SLIT1: variants seen among roughly 807,000 people sequenced by gnomAD.
SLIT1 encodes the protein slit homolog 1 protein.
Under a neutral mutation model 186.1 loss-of-function variants are expected in SLIT1, and 66 were observed. The observed-to-expected ratio is 0.35, with a 90% CI of 0.29 to 0.44. SLIT1 has a LOEUF of 0.44. Among genes scored for constraint, SLIT1 ranks in the 20% least tolerant of loss-of-function variants. SLIT1 has a pLI of 1.00. For missense variants in SLIT1, 1,638 were observed against 2,037.4 expected (o/e 0.80, Z 3.77); for synonymous variants, 761 against 833.8 (o/e 0.91, Z 1.50).
chr10:97,089,245 AAGAC>A (rs1008095190), intron 4 of SLIT1, among the ~76,000 whole-genome samples: 20 of 152,246 alleles, frequency 1.3e-4, no homozygotes, highest in Admixed American at 3.9e-4. Context: ...GAAGAAAAAA[AAGAC>A]AGAGTCAGAC....
At position 97,002,351 on chromosome 10, in the gene SLIT1, G is replaced by A. The variant is rs146064836; in HGVS notation, c.4173C>T (p.Cys1391=). Residue 1391 remains cysteine (C), a synonymous_variant, in exon 36 of 37, where the codon TGC becomes TGT. Transcript: ENST00000266058. ...CHGHKCVHGQ[C]VPLDALSYSC... is the part of the protein sequence containing the mutation. ...TGTAGGAAAGAGCGTCGAGGGGCAC[G>A]CATTGCCCATGGACACACCTGGAGG... 2,124 of 1,606,872 alleles carry A rather than the reference G, an allele frequency of 1.3e-3. 4 individuals are homozygous for A. The highest frequency in any genetic ancestry group is 1.7e-3 in the Middle Eastern group (10 of 5,994).
chr10:97,018,592 G>C lies in SLIT1; in HGVS notation c.2963C>G (p.Pro988Arg), dbSNP rs776270572. The stretch of plus-strand genomic sequence containing the variant: ...GCCCCTCCAGGTAACTCACGTGAAC[G>C]GGGCATCCTCGCCCTCCTGTGCATG... The part of the protein sequence containing the change: ...TCHAQEGEDA[P>R]FTCSCPTGFE... The change falls in exon 28 of 37, where the codon CCG (proline) becomes CGG (arginine). Residue 988 changes from proline (P) to arginine (R), a missense_variant. Transcript: ENST00000266058. 6 of 1,579,130 alleles carry C rather than the reference G, an allele frequency of 3.8e-6. 1 individual carries two copies. The highest frequency in any genetic ancestry group is 2.3e-5 in the South Asian group (2 of 85,960).
intron 4 of SLIT1, among the ~76,000 whole-genome samples, chr10:97,098,305 T>A (rs1000442207): frequency 3.3e-5 from 5 of 152,214 alleles, no homozygotes; most frequent in Admixed American, 6.5e-5. Context: ...AAAGTCCTAC[T>A]GCTGCTCCCA....
At chr10:97,083,177 C>G (rs556623796) in intron 4 of SLIT1, among the ~76,000 whole-genome samples, 4 of 151,738 alleles carry the variant, frequency 2.6e-5, no homozygotes, top group African/African-American at 9.7e-5. Context: ...TCAAGCGATG[C>G]TCCCACCTCA....
chr10:97,013,956 T>C, intron 29 of SLIT1, 63 bp downstream of exon 29: 1 of 1,593,598 alleles, frequency 6.3e-7, no homozygotes, highest in Non-Finnish European at 8.5e-7. Context: ...CTCCCGAGCA[T>C]GGGGGCTCAG....
chr10:97,126,957 C>T lies in SLIT1; in HGVS notation c.413+30861G>A, dbSNP rs956742037. On this transcript the variant is annotated intron_variant, in intron 4 of 36. Transcript: ENST00000266058. ...TTCACCTTTTTCCAGATACAACATA[C>T]GGCCAAACACTCCTCCCATCTACGC... is the stretch of plus-strand genomic sequence containing the variant. Among the ~76,000 whole-genome samples the T allele has an allele frequency of 7.2e-5, 11 of 152,146 alleles. No homozygotes were observed. In the East Asian group the frequency reaches 7.7e-4, roughly 11 times the overall value.
intron 36 of SLIT1, among the ~76,000 whole-genome samples, chr10:97,001,553 C>T (rs1012492981): frequency 2.0e-5 from 3 of 152,184 alleles, no homozygotes; most frequent in African/African-American, 7.2e-5. Flanking sequence ...CAGTCTGGTC[C>T]TAGCGTCAGG....
chr10:97,152,399 G>A (rs941317535), intron 4 of SLIT1, among the ~76,000 whole-genome samples: 12 of 152,188 alleles, frequency 7.9e-5, no homozygotes, highest in African/African-American at 7.2e-5. Context: ...TGCAGGTCAC[G>A]CTGGGGCTGC....
intron 4 of SLIT1, among the ~76,000 whole-genome samples, chr10:97,120,379 C>G (rs1421056296): frequency 6.6e-6 from 1 of 152,164 alleles, no homozygotes; most frequent in African/African-American, 2.4e-5. Context: ...CTCCGGTGCC[C>G]TGTGAGATTT....
At chr10:97,132,263 C>T (rs1849661443) in intron 4 of SLIT1, among the ~76,000 whole-genome samples, 2 of 152,202 alleles carry the variant, frequency 1.3e-5, no homozygotes, top group African/African-American at 2.4e-5. Context: ...GGCCCCTCTG[C>T]AGGCTCAGGT....
intron 4 of SLIT1, among the ~76,000 whole-genome samples, chr10:97,138,288 C>A (rs570259021): frequency 6.6e-6 from 1 of 152,374 alleles, no homozygotes; most frequent in South Asian, 2.1e-4. Flanking sequence ...GGAAGCTGCA[C>A]AGTGGCCTCC....
At chr10:97,150,647 T>C (rs1849866944) in intron 4 of SLIT1, among the ~76,000 whole-genome samples, 1 of 148,790 alleles carries the variant, frequency 6.7e-6, no homozygotes, top group Non-Finnish European at 1.5e-5. Context: ...GGACACATAT[T>C]GGTTTCAAGG....
At chr10:97,023,632 AT>A (rs1289078325) in intron 25 of SLIT1, among the ~76,000 whole-genome samples, 1 of 152,130 alleles carries the variant, frequency 6.6e-6, no homozygotes, top group Non-Finnish European at 1.5e-5. Flanking sequence ...CAAGACATGG[AT>A]TTTAGGGTAA....
chr10:97,131,952 C>T (rs1011755309), intron 4 of SLIT1, among the ~76,000 whole-genome samples: 2 of 152,172 alleles, frequency 1.3e-5, no homozygotes, highest in African/African-American at 2.4e-5. Flanking sequence ...GAACCCAGCC[C>T]GGCCCCCAAG....
intron 23 of SLIT1, among the ~76,000 whole-genome samples, chr10:97,032,552 G>A (rs977438878): frequency 6.7e-6 from 1 of 149,914 alleles, no homozygotes; most frequent in South Asian, 2.1e-4. Flanking sequence ...CTGGGCGACA[G>A]AGCGAGACTC....
Position 96,999,465 on chromosome 10 carries a change from C to T in SLIT1, c.*1647G>A, listed in dbSNP as rs1052961826. On this transcript the variant is annotated 3_prime_UTR_variant, in exon 37 of 37. Transcript: ENST00000266058. ...ACAGGGACACAATGCCACTCTGAGC[C>T]TCACCTGAACATACACCCAGCCATG... 19 of 152,436 alleles carry T rather than the reference C, an allele frequency of 1.2e-4. No individual in the cohort carries two copies. Among genetic ancestry groups the T allele is most frequent in the African/African-American group, 4.6e-4 (19 of 41,446 alleles). The allele number at this position is 152,436 out of a possible 1,614,324, so 9.4% of individuals were successfully genotyped here.
intron 4 of SLIT1, among the ~76,000 whole-genome samples, chr10:97,076,531 C>T (rs1169661968): frequency 6.6e-6 from 1 of 152,206 alleles, no homozygotes; most frequent in African/African-American, 2.4e-5. Context: ...TCCCTGCCTG[C>T]TCTCTCCAGC....
At chr10:97,087,053 C>G (rs1419320723) in intron 4 of SLIT1, among the ~76,000 whole-genome samples, 2 of 151,298 alleles carry the variant, frequency 1.3e-5, no homozygotes, top group Non-Finnish European at 2.9e-5. Context: ...CCCAATTTTA[C>G]TGTGAACCTA....
intron 4 of SLIT1, among the ~76,000 whole-genome samples, chr10:97,099,136 G>C (rs925702321): frequency 1.7e-5 from 2 of 120,910 alleles, no homozygotes; most frequent in Admixed American, 8.5e-5. Context: ...GTGGAGGCGC[G>C]GGGGGTGTCC....
Sources: gnomAD v4.1 joint callset for allele counts (sites outside exome capture counted in the v4.1 genomes callset) on GRCh38, gnomAD v4.1.1 for gene constraint, MANE v1.5 for transcripts, NCBI Gene and HGNC (gene_info 2026-07-23, HGNC 2026-07-21) for gene names.